KCTD8: variants seen among roughly 807,000 people sequenced by gnomAD.
KCTD8 encodes BTB/POZ domain-containing protein KCTD8.
KCTD8 carries 27 observed loss-of-function variants against 31.5 expected under a neutral mutation model. The ratio of observed to expected loss-of-function variants is 0.86; its 90% CI spans 0.63 to 1.18. KCTD8 has a LOEUF of 1.18. Among genes scored for constraint, KCTD8 ranks in the 50% most tolerant of loss-of-function variants. The probability of loss-of-function intolerance (pLI) is 0.00; values close to 1 mark genes in which losing one functional copy is unlikely to be tolerated. For synonymous variants in KCTD8, 290 were observed against 280.0 expected (o/e 1.04, Z -0.36); for missense variants, 658 against 647.7 (o/e 1.02, Z -0.17).
intron 1 of KCTD8, among the ~76,000 whole-genome samples, chr4:44,279,002 A>G (rs937632777): frequency 6.6e-6 from 1 of 152,234 alleles, no homozygotes; most frequent in Non-Finnish European, 1.5e-5. Context: ...TAGTGGAAAC[A>G]GCACAAGCTT....
intron 1 of KCTD8, among the ~76,000 whole-genome samples, chr4:44,211,093 T>C: frequency 6.6e-6 from 1 of 152,192 alleles, no homozygotes; most frequent in South Asian, 2.1e-4. Context: ...ACCATTAGAA[T>C]GAAGGAAATA....
chr4:44,417,210 CA>C (rs1721097085), intron 1 of KCTD8, among the ~76,000 whole-genome samples: 1 of 152,170 alleles, frequency 6.6e-6, no homozygotes, highest in Admixed American at 6.5e-5. Flanking sequence ...GCCCTTACAG[CA>C]AATAGCTCAG....
At position 44,448,707 on chromosome 4, in the gene KCTD8, A is replaced by G. The variant is rs1368042031; in HGVS notation, c.-184T>C. 1 of 484,972 alleles carries G rather than the reference A, an allele frequency of 2.1e-6. No individual in the cohort carries two copies. Among genetic ancestry groups the G allele is most frequent in the Non-Finnish European group, 3.3e-6 (1 of 307,686 alleles). The allele number at this position is 484,972 out of a possible 1,614,324, so 30.0% of individuals were successfully genotyped here. ...GCGGCGTCGGCGGCGCCCGAGCTCC[A>G]TCGGAGGAGAGACGCGCGAGAGAGG... On this transcript the variant is annotated 5_prime_UTR_variant, in exon 1 of 2. An upstream start codon of the reference 5' UTR is lost. Coordinates refer to ENST00000360029, the MANE Select transcript of KCTD8 (RefSeq NM_198353.3). The surrounding 1 kb of genome is among the most constrained non-coding windows in gnomAD (Gnocchi z 4.1).
intron 1 of KCTD8, among the ~76,000 whole-genome samples, chr4:44,284,510 A>G (rs1560415329): frequency 6.6e-6 from 1 of 152,226 alleles, no homozygotes; most frequent in African/African-American, 2.4e-5. Flanking sequence ...ATCTAGGATC[A>G]CAAAAATCCT....
chr4:44,370,283 C>T (rs1046175670), intron 1 of KCTD8, among the ~76,000 whole-genome samples: 15 of 152,052 alleles, frequency 9.9e-5, no homozygotes, highest in African/African-American at 3.1e-4. Context: ...CATAAGAAGA[C>T]CAGACATTTG....
intron 1 of KCTD8, among the ~76,000 whole-genome samples, chr4:44,196,270 C>T (rs1248794481): frequency 6.6e-6 from 1 of 152,262 alleles, no homozygotes; most frequent in Non-Finnish European, 1.5e-5. Flanking sequence ...TCTTTACCTA[C>T]CAGTAAGCCA....
At chr4:44,379,471 G>C (rs1160660243) in intron 1 of KCTD8, among the ~76,000 whole-genome samples, 2 of 152,018 alleles carry the variant, frequency 1.3e-5, no homozygotes, top group Non-Finnish European at 2.9e-5. Flanking sequence ...ACTTGATCCT[G>C]GCCAAGGAAG....
chr4:44,310,855 A>C (rs1159964223), intron 1 of KCTD8, among the ~76,000 whole-genome samples: 1 of 152,126 alleles, frequency 6.6e-6, no homozygotes, highest in East Asian at 1.9e-4. Flanking sequence ...CACTACATAT[A>C]AATTAATTAT....
chr4:44,210,616 T>C (rs1714457880), intron 1 of KCTD8, among the ~76,000 whole-genome samples: 1 of 152,298 alleles, frequency 6.6e-6, no homozygotes. Context: ...TTAAATCTGA[T>C]AAATGAATGC....
chr4:44,284,690 C>T (rs930856114), intron 1 of KCTD8, among the ~76,000 whole-genome samples: 1 of 152,128 alleles, frequency 6.6e-6, no homozygotes, highest in African/African-American at 2.4e-5. Context: ...AGGCAACCTA[C>T]AGAGTGGGAA....
chr4:44,232,159 C>T (rs1362022945), intron 1 of KCTD8, among the ~76,000 whole-genome samples: 1 of 152,072 alleles, frequency 6.6e-6, no homozygotes, highest in East Asian at 1.9e-4. Flanking sequence ...TATCCAGAAA[C>T]AGCATTTTCA....
intron 1 of KCTD8, among the ~76,000 whole-genome samples, chr4:44,300,013 G>A (rs531645106): frequency 6.6e-6 from 1 of 152,090 alleles, no homozygotes; most frequent in East Asian, 1.9e-4. Flanking sequence ...GCCTCCCAAA[G>A]TGCTGGGATT....
At chr4:44,287,914 T>C (rs2109383089) in intron 1 of KCTD8, among the ~76,000 whole-genome samples, 1 of 152,312 alleles carries the variant, frequency 6.6e-6, no homozygotes, top group Middle Eastern at 3.4e-3. Context: ...TGTATGTAGA[T>C]GGTTATACAA....
intron 1 of KCTD8, among the ~76,000 whole-genome samples, chr4:44,186,980 T>G (rs527485023): frequency 3.3e-5 from 5 of 151,742 alleles, no homozygotes; most frequent in Non-Finnish European, 5.9e-5. Context: ...CAAGTGTAAC[T>G]CAGCTTGAGG....
chr4:44,317,111 C>G (rs1718149948), intron 1 of KCTD8, among the ~76,000 whole-genome samples: 1 of 151,266 alleles, frequency 6.6e-6, no homozygotes, highest in African/African-American at 2.4e-5. Flanking sequence ...AGCTATGTTT[C>G]CTTTCATTTT....
At position 44,448,638 on chromosome 4, in the gene KCTD8, C is replaced by G. The variant is rs551317199; in HGVS notation, c.-115G>C. 222 of 1,152,750 alleles carry G rather than the reference C, an allele frequency of 1.9e-4. No individual in the cohort carries two copies. In the African/African-American group the frequency reaches 3.3e-3, roughly 17 times the overall value. 71.4% of individuals were successfully genotyped at this position (1,152,750 alleles called of 1,614,324 possible). A position where few individuals can be genotyped will look rare whatever the true frequency, so the allele number is the denominator to read the frequency against. On this transcript the variant is annotated 5_prime_UTR_variant, in exon 1 of 2. Transcript: ENST00000360029. This position sits in a 1 kb window ranked among gnomAD's most constrained non-coding sequence, Gnocchi z 4.1. ...CTCTGCGCCCTCGGACTGGGCGGCG[C>G]GTTCCTCCGACCGGGGCGGCCCCGC... is the stretch of plus-strand genomic sequence containing the variant.
At chr4:44,361,179 C>T (rs1719485754) in intron 1 of KCTD8, among the ~76,000 whole-genome samples, 2 of 150,710 alleles carry the variant, frequency 1.3e-5, no homozygotes, top group South Asian at 2.1e-4. Flanking sequence ...CCTTATTTTA[C>T]AGGAGAGGCT....
intron 1 of KCTD8, among the ~76,000 whole-genome samples, chr4:44,400,447 C>G (rs1720618811): frequency 6.6e-6 from 1 of 151,778 alleles, no homozygotes; most frequent in Non-Finnish European, 1.5e-5. Flanking sequence ...GACATAAAAA[C>G]CAGCCAGGCA....
chr4:44,388,188 T>C (rs2109448038), intron 1 of KCTD8, among the ~76,000 whole-genome samples: 1 of 151,974 alleles, frequency 6.6e-6, no homozygotes, highest in South Asian at 2.1e-4. Flanking sequence ...ATGGCTACTA[T>C]TAAAAAGTCA....
Sources: allele counts gnomAD v4.1 joint callset (sites outside exome capture counted in the v4.1 genomes callset), GRCh38; gene constraint gnomAD v4.1.1; non-coding constraint Gnocchi (gnomAD v3.1); transcripts MANE v1.5; gene names NCBI Gene and HGNC (gene_info 2026-07-23, HGNC 2026-07-21).